Variants in MYO3A observed in about 807,000 individuals in gnomAD.
MYO3A encodes the protein myosin IIIA.
Under a neutral mutation model 192.7 loss-of-function variants are expected in MYO3A, and 180 were observed. That is an observed-to-expected ratio of 0.93 (90% CI 0.83 to 1.06). The LOEUF is 1.06. MYO3A is among the 50% of genes least tolerant of loss of function. The pLI is 0.00. For missense variants in MYO3A, 1,896 were observed against 1,905.0 expected (o/e 1.00, Z 0.09); for synonymous variants, 628 against 645.3 (o/e 0.97, Z 0.41).
intron 31 of MYO3A, among the ~76,000 whole-genome samples, chr10:26,181,445 T>G (rs1413778693): frequency 1.3e-5 from 2 of 152,152 alleles, no homozygotes; most frequent in Non-Finnish European, 2.9e-5. Context: ...GACAAAATAT[T>G]TGGAACAAAT....
At position 26,125,343 on chromosome 10, in the gene MYO3A, G is replaced by A; in HGVS notation, c.1904-55G>A. On this transcript the variant is annotated intron_variant, in intron 18 of 34. Coordinates refer to ENST00000642920, the MANE Select transcript of MYO3A (RefSeq NM_017433.5). ...GCAGATTAAGACATTTTCATTTTTG[G>A]GGAGTGACCTCATTGCCATAATTTC... The A allele has an allele frequency of 4.6e-6, 7 of 1,510,604 alleles. No homozygotes were observed. The Admixed American group carries it at 1.1e-4, about 23-fold the overall frequency. 93.6% of individuals were successfully genotyped at this position (1,510,604 alleles called of 1,614,324 possible).
chr10:26,080,893 T>G (rs1835885325), intron 14 of MYO3A, among the ~76,000 whole-genome samples: 1 of 152,156 alleles, frequency 6.6e-6, no homozygotes, highest in African/African-American at 2.4e-5. Context: ...CACAGAGTCC[T>G]GTGATGTAAA....
intron 20 of MYO3A, among the ~76,000 whole-genome samples, chr10:26,143,056 C>T (rs1163096922): frequency 1.3e-5 from 2 of 152,100 alleles, no homozygotes; most frequent in Non-Finnish European, 2.9e-5. Flanking sequence ...TCAGGCCGGG[C>T]GCGGTGGCTC....
At chr10:26,202,780 G>A in intron 33 of MYO3A, 184 bp from the exon 34 acceptor site, 1 of 622,996 alleles carries the variant, frequency 1.6e-6, no homozygotes, top group Non-Finnish European at 2.7e-6. Context: ...AGATATGAAG[G>A]TTTTTCTTTT....
At chr10:26,147,399 T>C (rs376705500) in intron 22 of MYO3A, 31 bp from the exon 23 acceptor site, 2 of 1,593,428 alleles carry the variant, frequency 1.3e-6, no homozygotes, top group Non-Finnish European at 1.7e-6. Context: ...ATGACATTGA[T>C]TGTGATAATT....
At chr10:26,075,277 T>C (rs1311106633) in intron 14 of MYO3A, among the ~76,000 whole-genome samples, 1 of 151,426 alleles carries the variant, frequency 6.6e-6, no homozygotes, top group Non-Finnish European at 1.5e-5. Flanking sequence ...TTTTTATTTA[T>C]TTTTTTTAAT....
At chr10:25,934,777 CGAGGAGGGAACGTGAGGAATGAACTT>C (rs1835937335) in intron 1 of MYO3A, among the ~76,000 whole-genome samples, 2 of 145,312 alleles carry the variant, frequency 1.4e-5, no homozygotes, top group South Asian at 4.5e-4. Context: ...GGGGGGATCT[CGAGGAGGGAACGTGAGGAATGAACTT>C]GAGGAGGGAA....
chr10:26,060,544 C>G (rs12780744), intron 10 of MYO3A, among the ~76,000 whole-genome samples: 2 of 151,752 alleles, frequency 1.3e-5, no homozygotes, highest in African/African-American at 2.4e-5. Context: ...ATTCACAGCT[C>G]TCACTTTCCA....
intron 14 of MYO3A, among the ~76,000 whole-genome samples, chr10:26,080,541 T>G (rs921030173): frequency 2.0e-5 from 3 of 149,534 alleles, no homozygotes; most frequent in East Asian, 2.0e-4. Context: ...TCTGGGTTTT[T>G]TTTTTTTTTC....
In MYO3A at chr10:26,063,790, G is replaced by T. The variant is rs1042207097; in HGVS notation, c.954-3185G>T. Among the ~76,000 whole-genome samples the T allele has an allele frequency of 2.9e-4, 44 of 152,324 alleles. No homozygotes were observed. In the Middle Eastern group the frequency reaches 0.017, roughly 59 times the overall value. The stretch of plus-strand genomic sequence containing the variant: ...AAATGACAGGTGAAGAAAGCACAGG[G>T]ATGTATAGTTTAAGAAACAGAAACA... On this transcript the variant is annotated intron_variant, in intron 10 of 34. Coordinates refer to ENST00000642920, the MANE Select transcript of MYO3A (RefSeq NM_017433.5).
In MYO3A at chr10:26,016,914, G is replaced by A. The variant is rs1842016754; in HGVS notation, c.585+18G>A. On this transcript the variant is annotated intron_variant, in intron 7 of 34. Coordinates refer to ENST00000642920, the MANE Select transcript of MYO3A (RefSeq NM_017433.5). Reference sequence around the variant, plus strand: ...CTCCTGAGGTCAGATAGAGTTTTGAGGCAGACAAACGTAATAGCTGATCCT... The same window carrying A: ...CTCCTGAGGTCAGATAGAGTTTTGAAGCAGACAAACGTAATAGCTGATCCT... The A allele has an allele frequency of 1.2e-6, 2 of 1,610,288 alleles. No individual in the cohort carries two copies. Among genetic ancestry groups the A allele is most frequent in the African/African-American group, 2.7e-5 (2 of 74,810 alleles).
intron 31 of MYO3A, among the ~76,000 whole-genome samples, chr10:26,191,870 T>C (rs1436198575): frequency 6.6e-6 from 1 of 152,198 alleles, no homozygotes; most frequent in Non-Finnish European, 1.5e-5. Flanking sequence ...TCTCTGTGTA[T>C]TTCAACATCT....
At chr10:26,182,067 A>C (rs1171096600) in intron 31 of MYO3A, among the ~76,000 whole-genome samples, 3 of 152,220 alleles carry the variant, frequency 2.0e-5, no homozygotes, top group African/African-American at 7.2e-5. Context: ...ATTCAGCTTA[A>C]TCTTCACATA....
chr10:26,119,235 C>T (rs1388157732), intron 17 of MYO3A, among the ~76,000 whole-genome samples: 1 of 152,066 alleles, frequency 6.6e-6, no homozygotes, highest in East Asian at 1.9e-4. Flanking sequence ...TAAGTTAGCA[C>T]TTTTTGGCTC....
chr10:26,137,622 G>T (rs1047503365), intron 20 of MYO3A, among the ~76,000 whole-genome samples: 1 of 152,104 alleles, frequency 6.6e-6, no homozygotes, highest in African/African-American at 2.4e-5. Flanking sequence ...CTGCAGGGTC[G>T]GGCAAAAAGA....
chr10:26,191,227 A>G (rs1485778011), intron 31 of MYO3A, among the ~76,000 whole-genome samples: 2 of 152,228 alleles, frequency 1.3e-5, no homozygotes, highest in East Asian at 1.9e-4. Context: ...AAGCTATTTA[A>G]TAATCAGCAC....
chr10:26,048,142 T>G (rs1409311994), intron 10 of MYO3A, among the ~76,000 whole-genome samples: 1 of 152,166 alleles, frequency 6.6e-6, no homozygotes, highest in East Asian at 1.9e-4. Context: ...TAATTTAGTC[T>G]TTGAGTAGAA....
chr10:26,027,783 C>A (rs980522667), intron 10 of MYO3A, among the ~76,000 whole-genome samples: 1 of 152,256 alleles, frequency 6.6e-6, no homozygotes, highest in South Asian at 2.1e-4. Context: ...AGATAGCATT[C>A]CCTTGCCTGA....
chr10:26,007,050 A>C (rs1335413576), intron 6 of MYO3A, among the ~76,000 whole-genome samples: 5 of 147,444 alleles, frequency 3.4e-5, no homozygotes, highest in African/African-American at 5.3e-5. Context: ...AGTGGGCTTC[A>C]TCCCTGGGAT....
Sources: allele counts gnomAD v4.1 joint callset (sites outside exome capture counted in the v4.1 genomes callset), GRCh38; gene constraint gnomAD v4.1.1; transcripts MANE v1.5; gene names NCBI Gene and HGNC (gene_info 2026-07-23, HGNC 2026-07-21).